Variants in MAP3K20 observed in about 807,000 individuals in gnomAD.
MAP3K20 encodes HCCS-4.
In MAP3K20, 40 loss-of-function variants were observed where a neutral mutation model predicts 85.7. That is an observed-to-expected ratio of 0.47 (90% CI 0.36 to 0.61). MAP3K20 has a LOEUF of 0.61. Among genes scored for constraint, MAP3K20 ranks in the 20% least tolerant of loss-of-function variants. The pLI is 0.00. For synonymous variants in MAP3K20, 325 were observed against 327.7 expected (o/e 0.99, Z 0.09); for missense variants, 817 against 961.7 (o/e 0.85, Z 1.99).
chr2:173,159,460 G>A (rs1689583418), intron 2 of MAP3K20, among the ~76,000 whole-genome samples: 2 of 143,794 alleles, frequency 1.4e-5, no homozygotes. Context: ...CACGGTCTCA[G>A]CTCACTGCAG....
chr2:173,225,703 T>C (rs529006044), intron 11 of MAP3K20: 23 of 985,176 alleles, frequency 2.3e-5, no homozygotes, highest in Admixed American at 6.1e-5. Flanking sequence ...ATTTTTCTCC[T>C]GAACAAAATT....
rs563399109 is a variant in MAP3K20, at chr2:173,075,882, T to A, written c.-155T>A. The A allele has an allele frequency of 2.0e-6, 2 of 985,104 alleles. No homozygotes were observed. The highest frequency in any genetic ancestry group is 2.3e-4 in the East Asian group (2 of 8,772). 61.0% of individuals were successfully genotyped at this position (985,104 alleles called of 1,614,324 possible). ...CGTGCAGAGAGGCGGAATGTTCAAC[T>A]CCTAACTGCAGCGGAAACGTGGGAG... On this transcript the variant is annotated 5_prime_UTR_variant, in exon 1 of 20. Transcript: ENST00000375213.
intron 2 of MAP3K20, among the ~76,000 whole-genome samples, chr2:173,097,280 C>T (rs148295447): frequency 0.016 from 2,459 of 152,170 alleles, 36 homozygotes; most frequent in South Asian, 0.029. Context: ...TGCTTGAACC[C>T]GGGAGGCAGA....
At chr2:173,180,959 C>T (rs904487810) in intron 3 of MAP3K20, among the ~76,000 whole-genome samples, 1 of 151,908 alleles carries the variant, frequency 6.6e-6, no homozygotes, top group Non-Finnish European at 1.5e-5. Context: ...AGACAAATGA[C>T]AAACTGGGAA....
intron 10 of MAP3K20, chr2:173,212,134 T>C (rs1266228105): frequency 6.6e-6 from 1 of 152,164 alleles, no homozygotes; most frequent in Non-Finnish European, 1.5e-5. Context: ...AATATAAATA[T>C]GTATGTTTGC....
At chr2:173,223,820 G>T (rs1427788569) in intron 11 of MAP3K20, 2 of 985,298 alleles carry the variant, frequency 2.0e-6, no homozygotes, top group Non-Finnish European at 2.4e-6. Flanking sequence ...AGTACTACCT[G>T]ACTTGAGTCA....
intron 14 of MAP3K20, among the ~76,000 whole-genome samples, chr2:173,235,898 A>C (rs1315682694): frequency 1.3e-5 from 2 of 152,164 alleles, no homozygotes; most frequent in Non-Finnish European, 2.9e-5. Flanking sequence ...TCTGTCCACA[A>C]AGTAGGAAAT....
intron 1 of MAP3K20, among the ~76,000 whole-genome samples, 179 bp downstream of exon 1, chr2:173,076,181 C>T (rs949106107): frequency 2.6e-5 from 4 of 151,394 alleles, no homozygotes; most frequent in Non-Finnish European, 5.9e-5. Context: ...CGGCGGCGGC[C>T]GGAGCGAGCG....
chr2:173,096,306 CTGTGG>C (rs1458127616), intron 2 of MAP3K20, among the ~76,000 whole-genome samples: 2 of 151,340 alleles, frequency 1.3e-5, no homozygotes, highest in African/African-American at 4.9e-5. Context: ...AAAAGTGTAG[CTGTGG>C]CAATGTATGT....
chr2:173,225,771 G>A (rs887170545), intron 11 of MAP3K20: 2 of 985,012 alleles, frequency 2.0e-6, no homozygotes, highest in Non-Finnish European at 2.4e-6. Flanking sequence ...CCTGAATTTT[G>A]TGAGTTTCGT....
chr2:173,255,890 C>T (rs911628114), intron 16 of MAP3K20, among the ~76,000 whole-genome samples: 1 of 152,202 alleles, frequency 6.6e-6, no homozygotes, highest in Non-Finnish European at 1.5e-5. Context: ...TGACACCAAA[C>T]AGTCATTATC....
intron 3 of MAP3K20, among the ~76,000 whole-genome samples, chr2:173,178,931 A>T (rs1690245512): frequency 6.6e-6 from 1 of 152,208 alleles, no homozygotes. Context: ...CCCATAAAGA[A>T]GATTATAAAT....
chr2:173,158,545 A>G (rs1432247491), intron 2 of MAP3K20, among the ~76,000 whole-genome samples: 1 of 152,254 alleles, frequency 6.6e-6, no homozygotes, highest in Non-Finnish European at 1.5e-5. Flanking sequence ...TTAGGTAAAA[A>G]CATAAGTAAA....
At chr2:173,159,390 C>T (rs60776271) in intron 2 of MAP3K20, among the ~76,000 whole-genome samples, 6 of 111,468 alleles carry the variant, frequency 5.4e-5, no homozygotes, top group Non-Finnish European at 1.2e-4. Flanking sequence ...TCTTTTCTTT[C>T]CTTCCTTCCT....
At chr2:173,115,599 G>A (rs776322546) in intron 2 of MAP3K20, among the ~76,000 whole-genome samples, 90 of 152,142 alleles carry the variant, frequency 5.9e-4, no homozygotes, top group South Asian at 4.1e-4. Flanking sequence ...TTTGTCCCAT[G>A]AGGTGTTCTC....
At chr2:173,150,459 C>T (rs1352329527) in intron 2 of MAP3K20, among the ~76,000 whole-genome samples, 1 of 152,226 alleles carries the variant, frequency 6.6e-6, no homozygotes, top group African/African-American at 2.4e-5. Flanking sequence ...AGCCTCTTCT[C>T]TCATAAAAGA....
At chr2:173,174,142 A>G (rs992929218) in intron 3 of MAP3K20, among the ~76,000 whole-genome samples, 2 of 152,230 alleles carry the variant, frequency 1.3e-5, no homozygotes, top group African/African-American at 4.8e-5. Context: ...TTTATATGAA[A>G]TAAAGGTAAT....
intron 2 of MAP3K20, among the ~76,000 whole-genome samples, chr2:173,103,018 A>C (rs1434450315): frequency 6.6e-6 from 1 of 152,216 alleles, no homozygotes; most frequent in Non-Finnish European, 1.5e-5. Flanking sequence ...GCACCATTGC[A>C]ATCTAGCCTG....
At chr2:173,201,722 ATG>A (rs1405302679) in intron 8 of MAP3K20, among the ~76,000 whole-genome samples, 2 of 152,172 alleles carry the variant, frequency 1.3e-5, no homozygotes, top group Non-Finnish European at 1.5e-5. Context: ...GAATGTTTTC[ATG>A]TATTAGGAAT....
Sources: allele counts gnomAD v4.1 joint callset (sites outside exome capture counted in the v4.1 genomes callset), GRCh38; gene constraint gnomAD v4.1.1; transcripts MANE v1.5; gene names NCBI Gene and HGNC (gene_info 2026-07-23, HGNC 2026-07-21).